APOA2: variants seen among roughly 807,000 people sequenced by gnomAD.
APOA2 encodes the protein apolipoprotein A2.
A neutral mutation model predicts 7.4 loss-of-function variants in APOA2; 3 were observed. That is an observed-to-expected ratio of 0.41 (90% CI 0.18 to 1.05). APOA2 has a LOEUF of 1.05. Ranked by LOEUF, APOA2 falls within the 50% of genes least tolerant of loss-of-function variation. APOA2 has a pLI of 0.33. For synonymous variants in APOA2, 42 were observed against 47.8 expected, an observed-to-expected ratio of 0.88 and a Z score of 0.50; for missense variants, 90 against 116.3, an observed-to-expected ratio of 0.77 and a Z score of 1.04.
At chr1:161,223,189 T>G (rs1459753704) in intron 2 of APOA2, 139 bp from the exon 3 acceptor site, 1 of 1,559,214 alleles carries the variant, frequency 6.4e-7, no homozygotes, top group Non-Finnish European at 8.7e-7. Context: ...CAAAAAGGTA[T>G]CCAGCCAGAT....
chr1:161,222,384 G>A lies in APOA2; in HGVS notation c.*21C>T. 1 of 1,603,210 alleles carries A rather than the reference G, an allele frequency of 6.2e-7. No homozygotes were observed. The highest frequency in any genetic ancestry group is 8.5e-7 in the Non-Finnish European group (1 of 1,170,092). On this transcript the variant is annotated 3_prime_UTR_variant, in exon 4 of 4. Transcript: ENST00000367990. ...GTGTTCTAGAGGCCAGCTGGGGTTG[G>A]AAGACAATGGTCTGGACACTTCACT...
chr1:161,222,655 G>A (rs1666190229), intron 3 of APOA2, 133 bp from the exon 4 acceptor site: 1 of 956,106 alleles, frequency 1.0e-6, no homozygotes, highest in Non-Finnish European at 1.7e-6. Context: ...GCATGGCAAA[G>A]CCCCTAGGTA....
intron 3 of APOA2, 109 bp from the exon 4 acceptor site, chr1:161,222,631 G>T: frequency 9.4e-7 from 1 of 1,064,392 alleles, no homozygotes. Flanking sequence ...CCAAACTCTA[G>T]TGCCTGGTCC....
At chr1:161,223,267 C>A in intron 2 of APOA2, 83 bp downstream of exon 2, 2 of 1,587,428 alleles carry the variant, frequency 1.3e-6, no homozygotes, top group Non-Finnish European at 1.7e-6. Flanking sequence ...GTTGCCAGAC[C>A]TGGATATAAG....
At chr1:161,223,304 C>G (rs1458640517) in intron 2 of APOA2, 46 bp downstream of exon 2, 1 of 1,610,164 alleles carries the variant, frequency 6.2e-7, no homozygotes, top group Non-Finnish European at 8.5e-7. Context: ...TAGCTATAAC[C>G]ACCAGCACAT....
At chr1:161,223,518 C>A in intron 1 of APOA2, 77 bp downstream of exon 1, 1 of 1,041,040 alleles carries the variant, frequency 9.6e-7, no homozygotes, top group Non-Finnish European at 1.5e-6. Flanking sequence ...CCCATTCCAA[C>A]CTGGCTCTCT....
intron 1 of APOA2, 54 bp from the exon 2 acceptor site, chr1:161,223,479 C>A (rs1666210085): frequency 6.9e-7 from 1 of 1,445,112 alleles, no homozygotes; most frequent in Non-Finnish European, 9.6e-7. Context: ...TGGGCTTCAG[C>A]TCCTCCCCAG....
chr1:161,222,803 A>T, intron 3 of APOA2, 115 bp downstream of exon 3: 1 of 1,470,826 alleles, frequency 6.8e-7, no homozygotes, highest in Non-Finnish European at 9.5e-7. Context: ...TCTGCAATTT[A>T]AGCCTAATCT....
intron 3 of APOA2, 84 bp downstream of exon 3, chr1:161,222,834 G>A: frequency 6.2e-7 from 1 of 1,606,910 alleles, no homozygotes; most frequent in South Asian, 1.1e-5. Flanking sequence ...CCACCCCTGG[G>A]TTCAGACTTC....
In APOA2 at chr1:161,222,898, C is replaced by A. The variant is rs758402790; in HGVS notation, c.185+20G>T. 2 of 1,614,218 alleles carry A rather than the reference C, an allele frequency of 1.2e-6. No homozygotes were observed. Among genetic ancestry groups the A allele is most frequent in the Non-Finnish European group, 1.7e-6 (2 of 1,180,038 alleles). On this transcript the variant is annotated intron_variant, in intron 3 of 3. Transcript: ENST00000367990. ...TCTCCACAGTTCCACAGCCCCTGAA[C>A]CCCTTGCCCTGAGACTTACTTGGCC... is the stretch of plus-strand genomic sequence containing the variant.
chr1:161,222,960 A>G lies in APOA2; in HGVS notation c.143T>C (p.Leu48Pro). ...FQTVTDYGKD[L>P]MEKVKSPELQ... ...CTCTGGGCTCTTGACCTTCTCCATC[A>G]GGTCCTTGCCATAGTCAGTCACGGT... Residue 48 changes from leucine (L) to proline (P), a missense_variant, in exon 3 of 4, where the codon CTG becomes CCG. Leu to Pro is a moderately conservative substitution (Grantham distance 98, BLOSUM62 -3). Coordinates refer to ENST00000367990, the MANE Select transcript of APOA2 (RefSeq NM_001643.2). 1.2e-6 allele frequency: 2 copies of G among 1,613,990 alleles called. No individual in the cohort carries two copies. The highest frequency in any genetic ancestry group is 2.7e-5 in the African/African-American group (2 of 74,958).
intron 2 of APOA2, 91 bp from the exon 3 acceptor site, chr1:161,223,141 C>A: frequency 5.6e-6 from 9 of 1,598,224 alleles, no homozygotes; most frequent in Non-Finnish European, 6.8e-6. Context: ...TCCTGCCATA[C>A]CTCTGCCAGT....
chr1:161,222,324 T>C lies in APOA2; in HGVS notation c.*81A>G. 1.0e-6 allele frequency: 1 copy of C among 978,658 alleles called. No individual in the cohort carries two copies. The highest frequency in any genetic ancestry group is 1.6e-6 in the Non-Finnish European group (1 of 616,452). 60.6% of individuals were successfully genotyped at this position (978,658 alleles called of 1,614,324 possible). A position where few individuals can be genotyped will look rare whatever the true frequency, so the allele number is the denominator to read the frequency against. ...ATTCAGCATTTATTGTAGCAAAGAG[T>C]GGGTAGGGACAGGAGCTCTAGGACT... On this transcript the variant is annotated 3_prime_UTR_variant, in exon 4 of 4. Coordinates refer to ENST00000367990, the MANE Select transcript of APOA2 (RefSeq NM_001643.2).
intron 1 of APOA2, 83 bp from the exon 2 acceptor site, chr1:161,223,508 C>T (rs111887553): frequency 9.0e-7 from 1 of 1,116,584 alleles, no homozygotes; most frequent in Non-Finnish European, 1.3e-6. Context: ...CTACCTGCTG[C>T]CCATTCCAAC....
chr1:161,222,855 C>A, intron 3 of APOA2, 63 bp downstream of exon 3: 1 of 1,613,562 alleles, frequency 6.2e-7, no homozygotes, highest in Non-Finnish European at 8.5e-7. Context: ...TGTGGGACCT[C>A]TCATCTTCCC....
At position 161,223,417 on chromosome 1, in the gene APOA2, G is replaced by A. The variant is rs753305347; in HGVS notation, c.-16C>T. 3 of 1,611,974 alleles carry A rather than the reference G, an allele frequency of 1.9e-6. No individual in the cohort carries two copies. In the South Asian group the frequency reaches 3.3e-5, roughly 18 times the overall value. On this transcript the variant is annotated 5_prime_UTR_variant, in exon 2 of 4. Coordinates refer to ENST00000367990, the MANE Select transcript of APOA2 (RefSeq NM_001643.2). ...GCAGCTTCATGTTGGTAACAGTGGGGAGGGCGGCCTAGGAAGAGGGTGGTG... is the reference window on the plus strand; with the variant it reads ...GCAGCTTCATGTTGGTAACAGTGGGAAGGGCGGCCTAGGAAGAGGGTGGTG...
In APOA2 at chr1:161,222,458, C is replaced by T. The variant is rs1666185142; in HGVS notation, c.250G>A (p.Val84Ile). 4.3e-6 allele frequency: 7 copies of T among 1,614,206 alleles called. No individual in the cohort carries two copies. Among genetic ancestry groups the T allele is most frequent in the Non-Finnish European group, 5.9e-6 (7 of 1,180,046 alleles). The change falls in exon 4 of 4, where the codon GTT (valine) becomes ATT (isoleucine). Residue 84 changes from valine to isoleucine, a missense_variant. Transcript: ENST00000367990. ...TCCACGAAATAGCTCAAGAAGTTAA[C>T]CAGTTCCGTTCCAGCCTTCTTGATC... ...PLIKKAGTELVNFLSYFVELG... is the reference protein window; with the variant it reads ...PLIKKAGTELINFLSYFVELG...
In APOA2 at chr1:161,222,941, G is replaced by A. The variant is rs1666194539; in HGVS notation, c.162C>T (p.Ser54=). 1 of 1,614,094 alleles carries A rather than the reference G, an allele frequency of 6.2e-7. No homozygotes were observed. Among genetic ancestry groups the A allele is most frequent in the Non-Finnish European group, 8.5e-7 (1 of 1,180,024 alleles). ...YGKDLMEKVK[S]PELQAEAKSY... ...ACTTGGCCTCGGCCTGAAGCTCTGG[G>A]CTCTTGACCTTCTCCATCAGGTCCT... Residue 54 remains serine, a synonymous_variant, in exon 3 of 4, where the codon AGC becomes AGT. Transcript: ENST00000367990.
At position 161,222,356 on chromosome 1, in the gene APOA2, TG is replaced by T; in HGVS notation, c.*48del. ...GGACAGGAGCTCTAGGACTGGCCAG[TG>T]GGTGTTCTAGAGGCCAGCTGGGGTT... is the stretch of plus-strand genomic sequence containing the variant. On this transcript the variant is annotated 3_prime_UTR_variant, in exon 4 of 4. Transcript: ENST00000367990. The T allele has an allele frequency of 7.1e-7, 1 of 1,401,636 alleles. No homozygotes were observed. Among genetic ancestry groups the T allele is most frequent in the Non-Finnish European group, 1.0e-6 (1 of 987,366 alleles). 86.8% of individuals were successfully genotyped at this position (1,401,636 alleles called of 1,614,324 possible). A position where few individuals can be genotyped will look rare whatever the true frequency, so the allele number is the denominator to read the frequency against.
Sources: gnomAD v4.1 joint callset for allele counts on GRCh38, gnomAD v4.1.1 for gene constraint, MANE v1.5 for transcripts, NCBI Gene and HGNC (gene_info 2026-07-23, HGNC 2026-07-21) for gene names.